Variants in WDR86 observed in about 807,000 individuals in gnomAD.
WDR86 encodes the protein WD repeat-containing protein 86.
Under a neutral mutation model 36.5 loss-of-function variants are expected in WDR86, and 30 were observed. The observed-to-expected ratio is 0.82, with a 90% CI of 0.61 to 1.11. WDR86 has a LOEUF of 1.11. Among genes scored for constraint, WDR86 ranks in the 50% most tolerant of loss-of-function variants. The probability of loss-of-function intolerance (pLI) is 0.00; values close to 1 mark genes in which losing one functional copy is unlikely to be tolerated. For synonymous variants in WDR86, 255 were observed against 252.9 expected, an observed-to-expected ratio of 1.01 and a Z score of -0.08; for missense variants, 545 against 561.2, an observed-to-expected ratio of 0.97 and a Z score of 0.29.
At chr7:151,386,869 A>G (rs1445418671) in intron 3 of WDR86, among the ~76,000 whole-genome samples, 1 of 152,178 alleles carries the variant, frequency 6.6e-6, no homozygotes, top group Non-Finnish European at 1.5e-5. Flanking sequence ...ACCTCTGGGC[A>G]CGTGCCTTCC....
At chr7:151,371,574 G>A (rs776355288), downstream of WDR86, among the ~76,000 whole-genome samples, 4 of 152,166 alleles carry the variant, frequency 2.6e-5, no homozygotes, top group Admixed American at 6.5e-5. Flanking sequence ...GGGAGCTGGA[G>A]CAGCCTCCCA....
In WDR86 at chr7:151,396,058, C is replaced by T. The variant is rs142073678; in HGVS notation, c.444G>A (p.Pro148=). ...CGCAGGGAGTGCTGGGGAGGTCCCACGGGGCAGAGTAGGCTAGGGTCAGCA... is the reference window on the plus strand; with the variant it reads ...CGCAGGGAGTGCTGGGGAGGTCCCATGGGGCAGAGTAGGCTAGGGTCAGCA... The part of the protein sequence containing the change: ...NCVLTLAYSA[P]WDLPSTPCAE... The change falls in exon 3 of 6, where the codon CCG becomes CCA. Residue 148 remains proline (P), a synonymous_variant. Transcript: ENST00000334493. The T allele has an allele frequency of 5.8e-4, 940 of 1,611,960 alleles. 1 individual carries two copies. Among genetic ancestry groups the T allele is most frequent in the Non-Finnish European group, 7.3e-4 (865 of 1,179,496 alleles).
chr7:151,394,530 A>G (rs983984997), intron 3 of WDR86, among the ~76,000 whole-genome samples: 2 of 152,184 alleles, frequency 1.3e-5, no homozygotes, highest in African/African-American at 4.8e-5. Flanking sequence ...CCTGCCCTGG[A>G]GCAGGGCAGA....
chr7:151,375,723 C>T (rs1798185149), downstream of WDR86: 3 of 661,422 alleles, frequency 4.5e-6, no homozygotes, highest in Non-Finnish European at 8.5e-6. Flanking sequence ...GAGTGGGAGC[C>T]CCTTTCTCTG....
In WDR86 at chr7:151,381,382, C is replaced by T. The variant is rs113513284; in HGVS notation, c.*200G>A. On this transcript the variant is annotated 3_prime_UTR_variant, in exon 6 of 6. Transcript: ENST00000334493. This position sits in a 1 kb window ranked among gnomAD's most constrained non-coding sequence, Gnocchi z 4.8. ...CCCTAAAAGGGAAAAGGGGGCGGTC[C>T]CCAGGGCGAGCACTCCCGCTCCCAG... The T allele has an allele frequency of 4.2e-4, 605 of 1,455,416 alleles. 6 individuals carry two copies. In the African/African-American group the frequency reaches 8.2e-3, roughly 20 times the overall value. 90.2% of individuals were successfully genotyped at this position (1,455,416 alleles called of 1,614,324 possible).
intron 1 of WDR86, among the ~76,000 whole-genome samples, chr7:151,407,810 C>T (rs1249877942): frequency 6.6e-6 from 1 of 152,116 alleles, no homozygotes; most frequent in East Asian, 1.9e-4. Flanking sequence ...CACTGCACTC[C>T]AGCCTGGGCA....
At chr7:151,395,475 C>A in intron 3 of WDR86, among the ~76,000 whole-genome samples, 1 of 150,602 alleles carries the variant, frequency 6.6e-6, no homozygotes, top group Non-Finnish European at 1.5e-5. Flanking sequence ...TGACTGGTGT[C>A]CTTCTAAGAA....
At chr7:151,377,428 C>T (rs1024116432), downstream of WDR86, 25 of 432,076 alleles carry the variant, frequency 5.8e-5, no homozygotes, top group Admixed American at 2.9e-4. Context: ...TGGCCTGGCG[C>T]AGGCCGTTCC....
downstream of WDR86, chr7:151,374,653 G>A (rs1189037774): frequency 3.1e-5 from 7 of 223,576 alleles, no homozygotes; most frequent in Non-Finnish European, 4.6e-5. Flanking sequence ...TTAGTCCATC[G>A]TACATGTTGG....
Position 151,405,218 on chromosome 7 carries a change from C to G in WDR86, c.163+4209G>C, listed in dbSNP as rs958475868. On this transcript the variant is annotated intron_variant, in intron 1 of 5. Transcript: ENST00000334493. This position sits in a 1 kb window ranked among gnomAD's most constrained non-coding sequence, Gnocchi z 4.7. ...TTGGGTTAGAAAAGAGGGAGCCCAC[C>G]GTGGGTTCCGACAAGTGGGAGCCGC... is the stretch of plus-strand genomic sequence containing the variant. 6.6e-6 allele frequency among the ~76,000 whole-genome samples: 1 copy of G among 151,420 alleles called. No individual in the cohort carries two copies. The highest frequency in any genetic ancestry group is 2.4e-5 in the African/African-American group (1 of 40,968).
At chr7:151,377,143 C>T, downstream of WDR86, 1 of 1,588,990 alleles carries the variant, frequency 6.3e-7, no homozygotes, top group South Asian at 1.1e-5. Context: ...TATCTTGACT[C>T]AACTCTGGAA....
intron 3 of WDR86, among the ~76,000 whole-genome samples, chr7:151,391,543 AG>A (rs1335579998): frequency 6.6e-6 from 1 of 152,054 alleles, no homozygotes; most frequent in Admixed American, 6.5e-5. Context: ...GGCGAGACTG[AG>A]GGTCCGGCTG....
intron 3 of WDR86, among the ~76,000 whole-genome samples, chr7:151,387,925 A>G (rs1799109189): frequency 6.6e-6 from 1 of 152,262 alleles, no homozygotes; most frequent in Non-Finnish European, 1.5e-5. Context: ...CCACTGTCTC[A>G]TGTGCAACGT....
downstream of WDR86, chr7:151,376,462 T>G (rs1239073125): frequency 6.3e-6 from 4 of 630,448 alleles, no homozygotes; most frequent in Non-Finnish European, 1.0e-5. Context: ...CAAGCCCCCT[T>G]CCAGGTTGCT....
At position 151,395,925 on chromosome 7, in the gene WDR86, T is replaced by C; in HGVS notation, c.577A>G (p.Thr193Ala). 1 of 1,598,620 alleles carries C rather than the reference T, an allele frequency of 6.3e-7. No homozygotes were observed. ...GCCHQTLRGH[T>A]GAVLCLVLDT... ...AGCACTAGGCACAGCACTGCACCCGTGTGGCCCCGCAGCGTCTGGTGGCAG... is the reference window on the plus strand; with the variant it reads ...AGCACTAGGCACAGCACTGCACCCGCGTGGCCCCGCAGCGTCTGGTGGCAG... Residue 193 changes from threonine to alanine, a missense_variant, in exon 3 of 6, where the codon ACG (threonine) becomes GCG (alanine). Transcript: ENST00000334493.
downstream of WDR86, chr7:151,378,348 CA>C (rs1798409014): frequency 6.6e-6 from 1 of 152,216 alleles, no homozygotes; most frequent in Non-Finnish European, 1.5e-5. Flanking sequence ...CCAACTTTTT[CA>C]AAGTGTGGGT....
chr7:151,376,634 T>G (rs1419743546), downstream of WDR86: 4 of 1,608,694 alleles, frequency 2.5e-6, no homozygotes, highest in South Asian at 4.4e-5. Context: ...TCTCCCCTAG[T>G]TGGTGTACAT....
chr7:151,390,098 C>G lies in WDR86; in HGVS notation c.727-4875G>C, dbSNP rs929908894. Among the ~76,000 whole-genome samples, 3 of 152,124 alleles carry G rather than the reference C, an allele frequency of 2.0e-5. No homozygotes were observed. Among genetic ancestry groups the G allele is most frequent in the Non-Finnish European group, 4.4e-5 (3 of 68,010 alleles). The stretch of plus-strand genomic sequence containing the variant: ...CCAAAAGGATCCAAATGCAAGAGAG[C>G]GTGGGGTGTAATGGCCAGCCCTGGT... On this transcript the variant is annotated intron_variant, in intron 3 of 5. Transcript: ENST00000334493. The surrounding 1 kb of genome is among the most constrained non-coding windows in gnomAD (Gnocchi z 4.5).
At chr7:151,389,269 T>C (rs2150775605) in intron 3 of WDR86, among the ~76,000 whole-genome samples, 1 of 152,096 alleles carries the variant, frequency 6.6e-6, no homozygotes, top group Non-Finnish European at 1.5e-5. Flanking sequence ...CAGTCTAAGG[T>C]ATTTTGTTAC....
Sources: allele counts gnomAD v4.1 joint callset (sites outside exome capture counted in the v4.1 genomes callset), GRCh38; gene constraint gnomAD v4.1.1; non-coding constraint Gnocchi (gnomAD v3.1); transcripts MANE v1.5; gene names NCBI Gene and HGNC (gene_info 2026-07-23, HGNC 2026-07-21).